The following MYO16 variants were observed in gnomAD, a reference collection of about 807,000 sequenced individuals.
MYO16 encodes the protein unconventional myosin-XVI.
A neutral mutation model predicts 205.3 loss-of-function variants in MYO16; 94 were observed. That is an observed-to-expected ratio of 0.46 (90% CI 0.39 to 0.54). MYO16 has a LOEUF of 0.54. Ranked by LOEUF, MYO16 falls within the 20% of genes least tolerant of loss-of-function variation. MYO16 has a pLI of 0.00. For missense variants in MYO16, 2,315 were observed against 2,387.5 expected (o/e 0.97, Z 0.63); for synonymous variants, 988 against 954.0 (o/e 1.04, Z -0.66).
intron 34 of MYO16, among the ~76,000 whole-genome samples, chr13:109,195,343 T>C (rs1184634660): frequency 6.6e-6 from 1 of 152,146 alleles, no homozygotes; most frequent in African/African-American, 2.4e-5. Context: ...TAAATGAATA[T>C]TTCTGAATTA....
At chr13:108,609,949 A>T (rs1460624302) in intron 1 of MYO16, among the ~76,000 whole-genome samples, 1 of 152,086 alleles carries the variant, frequency 6.6e-6, no homozygotes, top group African/African-American at 2.4e-5. Context: ...TGGGGAGGAA[A>T]ACACTGGGCC....
At chr13:108,577,080 AT>A in the MYO16 span, among the ~76,000 whole-genome samples, 4 of 152,086 alleles carry the variant, frequency 2.6e-5, no homozygotes, top group Non-Finnish European at 5.9e-5. Flanking sequence ...TTTCCATTTG[AT>A]TCAATTTTTC....
the MYO16 span, among the ~76,000 whole-genome samples, chr13:108,518,819 C>A: frequency 3.3e-5 from 5 of 151,832 alleles, no homozygotes; most frequent in Non-Finnish European, 7.4e-5. Context: ...ACAATTTTAA[C>A]GAGTAGAAAG....
At chr13:108,669,584 C>G (rs1442341327) in intron 2 of MYO16, among the ~76,000 whole-genome samples, 3 of 152,036 alleles carry the variant, frequency 2.0e-5, no homozygotes, top group Non-Finnish European at 4.4e-5. Flanking sequence ...TGATGATGAG[C>G]TTTGTAGGCC....
intron 28 of MYO16, among the ~76,000 whole-genome samples, chr13:109,117,390 GTATATATGTATA>G (rs1046067883): frequency 2.2e-4 from 32 of 146,482 alleles, no homozygotes; most frequent in Non-Finnish European, 3.6e-4. Flanking sequence ...ATATGCGTGT[GTATATATGTATA>G]TATATATGTG....
At chr13:109,042,886 C>T (rs184558328) in intron 23 of MYO16, among the ~76,000 whole-genome samples, 1 of 152,302 alleles carries the variant, frequency 6.6e-6, no homozygotes, top group East Asian at 1.9e-4. Flanking sequence ...CACTATGCTT[C>T]CTACAAAAAT....
At chr13:108,659,318 A>ACAG in intron 1 of MYO16, 2 of 292,842 alleles carry the variant, frequency 6.8e-6, no homozygotes, top group South Asian at 3.4e-5. Flanking sequence ...TATATAATAC[A>ACAG]CATATATACA....
At position 109,127,383 on chromosome 13, in the gene MYO16, G is replaced by A. The variant is rs1299794645; in HGVS notation, c.3884G>A (p.Trp1295Ter). Residue 1295 changes from tryptophan (W) to a stop codon, truncating the protein, a stop_gained, in exon 31 of 35, where the codon TGG becomes TAG. Transcript: ENST00000457511. LOFTEE classifies it high-confidence loss of function. This position sits in a 1 kb window ranked among gnomAD's most constrained non-coding sequence, Gnocchi z 4.2. ...LGQCLVGPSIWSPSLHSVFSM... is the reference protein window; with the variant it reads ...LGQCLVGPSI ...CAGTGCCTCGTTGGCCCGTCCATCT[G>A]GTCTCCTTCGCTGCACTCGGTGTTC... is the stretch of plus-strand genomic sequence containing the variant. The A allele has an allele frequency of 6.2e-7, 1 of 1,613,872 alleles. No individual in the cohort carries two copies. Among genetic ancestry groups the A allele is most frequent in the Non-Finnish European group, 8.5e-7 (1 of 1,179,940 alleles).
the MYO16 span, among the ~76,000 whole-genome samples, chr13:108,535,119 T>C: frequency 6.6e-6 from 1 of 151,600 alleles, no homozygotes; most frequent in Non-Finnish European, 1.5e-5. Context: ...TCCTCCTTTT[T>C]CTTCCTCCTC....
intron 16 of MYO16, among the ~76,000 whole-genome samples, chr13:108,944,450 A>C (rs999291818): frequency 3.9e-5 from 6 of 152,200 alleles, no homozygotes; most frequent in Non-Finnish European, 8.8e-5. Flanking sequence ...TGTGTAATTT[A>C]ATTTCCACCC....
At chr13:108,798,904 A>C (rs1415183257) in intron 6 of MYO16, among the ~76,000 whole-genome samples, 3 of 141,816 alleles carry the variant, frequency 2.1e-5, no homozygotes, top group African/African-American at 7.9e-5. Context: ...ACGGGGTTTC[A>C]CCTTGTTAGC....
chr13:109,202,231 T>C (rs965689397), intron 34 of MYO16, among the ~76,000 whole-genome samples: 1 of 152,140 alleles, frequency 6.6e-6, no homozygotes, highest in Non-Finnish European at 1.5e-5. Context: ...GTAGTGGGAT[T>C]GCTGAGTCAA....
At chr13:109,080,608 G>A (rs1024777101) in intron 27 of MYO16, among the ~76,000 whole-genome samples, 1 of 151,598 alleles carries the variant, frequency 6.6e-6, no homozygotes, top group Non-Finnish European at 1.5e-5. Context: ...TTTGGCTCAG[G>A]ACAAACTGCC....
chr13:108,904,996 A>G (rs898299940), intron 15 of MYO16, among the ~76,000 whole-genome samples: 1 of 152,346 alleles, frequency 6.6e-6, no homozygotes, highest in Admixed American at 6.5e-5. Flanking sequence ...TTATCAAATA[A>G]TCACTTTATT....
intron 12 of MYO16, among the ~76,000 whole-genome samples, chr13:108,876,919 G>A (rs192403960): frequency 3.2e-3 from 492 of 152,146 alleles, no homozygotes; most frequent in Non-Finnish European, 5.7e-3. Flanking sequence ...GCTCACCTCA[G>A]TCCCCCAAAG....
At chr13:108,900,538 G>A (rs537571274) in intron 15 of MYO16, among the ~76,000 whole-genome samples, 5 of 152,098 alleles carry the variant, frequency 3.3e-5, no homozygotes, top group Admixed American at 1.3e-4. Flanking sequence ...AATTTCTTAC[G>A]CCTGTCTTTA....
At chr13:108,680,295 A>G (rs1024834524) in intron 2 of MYO16, among the ~76,000 whole-genome samples, 1 of 152,190 alleles carries the variant, frequency 6.6e-6, no homozygotes, top group Non-Finnish European at 1.5e-5. Context: ...ATTACTGTCC[A>G]TGTTATTTTT....
At chr13:108,637,902 A>T (rs1220140601) in intron 1 of MYO16, among the ~76,000 whole-genome samples, 1 of 152,128 alleles carries the variant, frequency 6.6e-6, no homozygotes, top group Non-Finnish European at 1.5e-5. Context: ...AAAAATAAAG[A>T]TACAAAGACG....
the MYO16 span, among the ~76,000 whole-genome samples, chr13:108,516,615 A>T: frequency 2.6e-5 from 4 of 152,246 alleles, no homozygotes; most frequent in African/African-American, 4.8e-5. Context: ...TAAGGTAAAC[A>T]TGTATCAAGA....
Sources: gnomAD v4.1 joint callset for allele counts (sites outside exome capture counted in the v4.1 genomes callset) on GRCh38, gnomAD v4.1.1 for gene constraint, Gnocchi (gnomAD v3.1) non-coding constraint, MANE v1.5 for transcripts, NCBI Gene and HGNC (gene_info 2026-07-23, HGNC 2026-07-21) for gene names.